FAM124B: variants seen among roughly 807,000 people sequenced by gnomAD.
FAM124B encodes family with sequence similarity 124 member B.
In FAM124B, 18 loss-of-function variants were observed where a neutral mutation model predicts 19.7. That is an observed-to-expected ratio of 0.92 (90% CI 0.63 to 1.36). The LOEUF is 1.36. Ranked by LOEUF, FAM124B falls within the 40% of genes most tolerant of loss-of-function variation. The pLI, the probability that FAM124B is intolerant of heterozygous loss-of-function variation, is 0.00. For synonymous variants in FAM124B, 223 were observed against 225.2 expected, an observed-to-expected ratio of 0.99 and a Z score of 0.09; for missense variants, 540 against 553.3, an observed-to-expected ratio of 0.98 and a Z score of 0.24.
At position 224,401,781 on chromosome 2, in the gene FAM124B, T is replaced by C; in HGVS notation, c.-13A>G. On this transcript the variant is annotated 5_prime_UTR_variant, in exon 1 of 2. Transcript: ENST00000409685. ...GTGTCTCATCCATGGAGGAACTGCC[T>C]GAGGCTGACAAAGACAGCGTGTGTA... 1 of 1,602,398 alleles carries C rather than the reference T, an allele frequency of 6.2e-7. No homozygotes were observed. Among genetic ancestry groups the C allele is most frequent in the Non-Finnish European group, 8.5e-7 (1 of 1,173,596 alleles).
intron 1 of FAM124B, among the ~76,000 whole-genome samples, chr2:224,398,815 A>C (rs1024931245): frequency 1.3e-5 from 2 of 152,152 alleles, no homozygotes; most frequent in Non-Finnish European, 2.9e-5. Flanking sequence ...ATCTCCACTA[A>C]AAATACAAAA....
chr2:224,383,214 C>G (rs1689752442), intron 1 of FAM124B, among the ~76,000 whole-genome samples: 1 of 152,160 alleles, frequency 6.6e-6, no homozygotes, highest in African/African-American at 2.4e-5. Context: ...GCTGTCAGAG[C>G]TGATAAATCT....
chr2:224,394,546 C>T (rs1689938828), intron 1 of FAM124B, among the ~76,000 whole-genome samples: 8 of 152,114 alleles, frequency 5.3e-5, no homozygotes, highest in Admixed American at 5.2e-4. Context: ...TCAGTCAAGC[C>T]CCCTTCCAAC....
intron 1 of FAM124B, among the ~76,000 whole-genome samples, chr2:224,380,823 A>G (rs1689702411): frequency 6.6e-6 from 1 of 152,182 alleles, no homozygotes; most frequent in Admixed American, 6.5e-5. Flanking sequence ...GAAAACAAAA[A>G]GGGGGCATGG....
In FAM124B at chr2:224,401,588, G is replaced by T. The variant is rs747765563; in HGVS notation, c.181C>A (p.Arg61=). The part of the protein sequence containing the change: ...VKYCEKSHSK[R]SRFPGMSVLL... ...ACGGACATCCCTGGAAACCGGGACC[G>T]CTTGGAATGGGACTTTTCACAGTAT... The change falls in exon 1 of 2, where the codon CGG becomes AGG. Residue 61 remains arginine, a synonymous_variant. Transcript: ENST00000409685. 1 of 1,614,182 alleles carries T rather than the reference G, an allele frequency of 6.2e-7. No individual in the cohort carries two copies.
intron 1 of FAM124B, among the ~76,000 whole-genome samples, chr2:224,399,055 G>A (rs1201513652): frequency 6.6e-6 from 1 of 152,222 alleles, no homozygotes; most frequent in Non-Finnish European, 1.5e-5. Flanking sequence ...CAGAGAGGAA[G>A]AGGGCTCTTT....
chr2:224,391,755 C>CT (rs1689892205), intron 1 of FAM124B, among the ~76,000 whole-genome samples: 1 of 152,172 alleles, frequency 6.6e-6, no homozygotes, highest in East Asian at 1.9e-4. Context: ...TCCCGGGTGA[C>CT]TATAGGCAAG....
At chr2:224,397,219 T>C (rs970282996) in intron 1 of FAM124B, among the ~76,000 whole-genome samples, 2 of 152,178 alleles carry the variant, frequency 1.3e-5, no homozygotes, top group African/African-American at 4.8e-5. Context: ...TGATAGAGAA[T>C]GAGTCTCATG....
At chr2:224,392,260 T>C (rs1029102208) in intron 1 of FAM124B, among the ~76,000 whole-genome samples, 2 of 152,128 alleles carry the variant, frequency 1.3e-5, no homozygotes, top group African/African-American at 2.4e-5. Flanking sequence ...CTGGGCAACA[T>C]AGCAAGACTC....
chr2:224,399,519 A>C (rs1464049990), intron 1 of FAM124B: 8 of 152,216 alleles, frequency 5.3e-5, no homozygotes, highest in Non-Finnish European at 1.5e-5. Flanking sequence ...ATAGGCCTTA[A>C]GGAGCTTCTG....
intron 1 of FAM124B, among the ~76,000 whole-genome samples, chr2:224,390,826 G>A (rs919970975): frequency 1.5e-4 from 23 of 151,032 alleles, no homozygotes; most frequent in African/African-American, 5.3e-4. Context: ...TCAGCCTCCC[G>A]AGTAGCTGGG....
chr2:224,394,433 G>T (rs1689936891), intron 1 of FAM124B, among the ~76,000 whole-genome samples: 1 of 152,076 alleles, frequency 6.6e-6, no homozygotes, highest in African/African-American at 2.4e-5. Flanking sequence ...GCCAAATTCA[G>T]TCAAGTCTAC....
rs77310919 is a variant in FAM124B, at chr2:224,400,570, C to T, written c.732+467G>A. ...TAAACATAAGTATGACTTCAACTTC[C>T]TTAAGTCAGATTAGAAGAGCTTGTG... is the stretch of plus-strand genomic sequence containing the variant. On this transcript the variant is annotated intron_variant, in intron 1 of 1. Transcript: ENST00000409685. 1.8e-3 allele frequency: 1,241 copies of T among 671,564 alleles called. 9 individuals carry two copies. In the African/African-American group the frequency reaches 0.019, roughly 10 times the overall value. The allele number at this position is 671,564 out of a possible 1,614,324, so 41.6% of individuals were successfully genotyped here.
In FAM124B at chr2:224,390,087, G is replaced by C. The variant is rs146141832; in HGVS notation, c.733-9879C>G. Among the ~76,000 whole-genome samples, 574 of 147,632 alleles carry C rather than the reference G, an allele frequency of 3.9e-3. 2 individuals are homozygous for C. The highest frequency in any genetic ancestry group is 0.014 in the African/African-American group (550 of 39,342). ...AGGTTGAGAAAACATGATTTAGAGA[G>C]AGGAAAAAACAGTTGAGTCTTTGAA... On this transcript the variant is annotated intron_variant, in intron 1 of 1. Coordinates refer to ENST00000409685, the MANE Select transcript of FAM124B (RefSeq NM_001122779.2).
chr2:224,392,241 A>C (rs1400892602), intron 1 of FAM124B, among the ~76,000 whole-genome samples: 1 of 152,142 alleles, frequency 6.6e-6, no homozygotes, highest in Non-Finnish European at 1.5e-5. Context: ...CCAGGAGTTC[A>C]AGTTCAGACT....
chr2:224,393,209 T>A (rs1689916882), intron 1 of FAM124B, among the ~76,000 whole-genome samples: 1 of 152,164 alleles, frequency 6.6e-6, no homozygotes, highest in African/African-American at 2.4e-5. Context: ...CAGGTGCTGA[T>A]TGCAGGAGAT....
Position 224,402,036 on chromosome 2 carries a change from A to C in FAM124B, c.-268T>G. On this transcript the variant is annotated 5_prime_UTR_variant, in exon 1 of 2. Coordinates refer to ENST00000409685, the MANE Select transcript of FAM124B (RefSeq NM_001122779.2). Reference sequence around the variant, plus strand: ...GGTCACGTCATCCAGCTTGTGCATAATGTAACTGCTTGTGTTTAGCCTTTT... The same window carrying C: ...GGTCACGTCATCCAGCTTGTGCATACTGTAACTGCTTGTGTTTAGCCTTTT... The C allele has an allele frequency of 2.3e-6, 1 of 440,678 alleles. No homozygotes were observed. Among genetic ancestry groups the C allele is most frequent in the Non-Finnish European group, 4.1e-6 (1 of 244,362 alleles). The allele number at this position is 440,678 out of a possible 1,614,324, so 27.3% of individuals were successfully genotyped here.
At chr2:224,393,181 G>A (rs1689916583) in intron 1 of FAM124B, among the ~76,000 whole-genome samples, 1 of 152,204 alleles carries the variant, frequency 6.6e-6, no homozygotes, top group Non-Finnish European at 1.5e-5. Context: ...GTCTTGGAGA[G>A]TTATGTGGAT....
rs750028829 is a variant in FAM124B at position 224,401,509 on chromosome 2, T to C, written c.260A>G (p.Asp87Gly). 4 of 1,613,388 alleles carry C rather than the reference T, an allele frequency of 2.5e-6. No homozygotes were observed. The highest frequency in any genetic ancestry group is 3.4e-6 in the Non-Finnish European group (4 of 1,179,838). Residue 87 changes from aspartate to glycine, a missense_variant, in exon 1 of 2, where the codon GAC becomes GGC. Transcript: ENST00000409685. ...PGEDRLFRVL[D>G]SLQHSPWQCY... ...CTGCCATGGCGAATGCTGGAGAGAG[T>C]CCAGGACGCGAAATAGCCTATCCTC...
Sources: gnomAD v4.1 joint callset for allele counts (sites outside exome capture counted in the v4.1 genomes callset) on GRCh38, gnomAD v4.1.1 for gene constraint, MANE v1.5 for transcripts, NCBI Gene and HGNC (gene_info 2026-07-23, HGNC 2026-07-21) for gene names.